TESK2: variants seen among roughly 807,000 people sequenced by gnomAD.
TESK2 encodes dual specificity testis-specific protein kinase 2.
A neutral mutation model predicts 57.1 loss-of-function variants in TESK2; 39 were observed. That is an observed-to-expected ratio of 0.68 (90% CI 0.53 to 0.89). TESK2 has a LOEUF of 0.89. TESK2 is among the 40% of genes least tolerant of loss of function. TESK2 has a pLI of 0.00. For missense variants in TESK2, 646 were observed against 732.1 expected, an observed-to-expected ratio of 0.88 and a Z score of 1.36; for synonymous variants, 249 against 267.9, an observed-to-expected ratio of 0.93 and a Z score of 0.69.
intron 3 of TESK2, among the ~76,000 whole-genome samples, chr1:45,416,252 T>G (rs1650238067): frequency 6.6e-6 from 1 of 151,392 alleles, no homozygotes; most frequent in African/African-American, 2.4e-5. Flanking sequence ...CCAGTTAATT[T>G]TTGTATTTTT....
At chr1:45,378,138 A>T (rs4660851) in intron 4 of TESK2, among the ~76,000 whole-genome samples, 50,823 of 152,054 alleles carry the variant, frequency 0.33, 9,581 homozygotes, top group African/African-American at 0.49. Flanking sequence ...AAAAAAAGAA[A>T]ATGAACTATA....
intron 4 of TESK2, among the ~76,000 whole-genome samples, chr1:45,375,216 T>TA (rs1305329790): frequency 6.6e-6 from 1 of 152,178 alleles, no homozygotes; most frequent in Non-Finnish European, 1.5e-5. Flanking sequence ...CTAAAGTTCT[T>TA]ACAGCAGTAT....
At chr1:45,374,334 C>T (rs968562482) in intron 4 of TESK2, among the ~76,000 whole-genome samples, 2 of 152,134 alleles carry the variant, frequency 1.3e-5, no homozygotes, top group East Asian at 1.9e-4. Context: ...GCCCAAGGAG[C>T]TCAAAGACTA....
chr1:45,382,090 T>C (rs1345627170), intron 4 of TESK2, among the ~76,000 whole-genome samples: 2 of 152,038 alleles, frequency 1.3e-5, no homozygotes, highest in East Asian at 3.9e-4. Flanking sequence ...AAGGCTGGTT[T>C]CAAAATCATG....
chr1:45,420,129 T>C (rs997965181), intron 3 of TESK2, among the ~76,000 whole-genome samples: 1 of 152,198 alleles, frequency 6.6e-6, no homozygotes, highest in Non-Finnish European at 1.5e-5. Flanking sequence ...TAAATTGTCT[T>C]ATTTGGTCTC....
rs151015913 is a variant in TESK2 at position 45,381,104 on chromosome 1, T to G, written c.393+4808A>C. Among the ~76,000 whole-genome samples the G allele has an allele frequency of 2.2e-3, 342 of 152,366 alleles. 5 individuals carry two copies. The highest frequency in any genetic ancestry group is 7.9e-3 in the African/African-American group (329 of 41,590). On this transcript the variant is annotated intron_variant, in intron 4 of 10. Transcript: ENST00000372086. ...ATTATAGCATTGTGAGAATTATAGT[T>G]AATATACAGTATCAACCATAGCATT...
intron 4 of TESK2, among the ~76,000 whole-genome samples, chr1:45,363,696 A>T (rs1647789681): frequency 6.6e-6 from 1 of 152,190 alleles, no homozygotes; most frequent in Admixed American, 6.5e-5. Flanking sequence ...ACACAAAGAT[A>T]ACAAAGCACA....
At chr1:45,355,201 G>T in intron 5 of TESK2, 102 bp downstream of exon 5, 3 of 1,327,564 alleles carry the variant, frequency 2.3e-6, no homozygotes, top group Admixed American at 2.5e-5. Context: ...AAAATATAAT[G>T]AATTATGTCC....
rs75370394 is a variant in TESK2, at chr1:45,381,330, A to G, written c.393+4582T>C. Among the ~76,000 whole-genome samples the G allele has an allele frequency of 6.3e-4, 96 of 152,312 alleles. No homozygotes were observed. The East Asian group carries it at 0.013, about 21-fold the overall frequency. ...GCCTTTTGACACATAACTTTGCGGC[A>G]TATTCCTGATAAGGGCAGAGCATAC... On this transcript the variant is annotated intron_variant, in intron 4 of 10. Coordinates refer to ENST00000372086, the MANE Select transcript of TESK2 (RefSeq NM_007170.3).
intron 1 of TESK2, among the ~76,000 whole-genome samples, chr1:45,479,769 C>T (rs996934077): frequency 4.0e-5 from 6 of 148,848 alleles, no homozygotes; most frequent in Admixed American, 1.3e-4. Context: ...TTGTTCCCAT[C>T]GGATAGATTA....
intron 4 of TESK2, among the ~76,000 whole-genome samples, chr1:45,381,582 C>T (rs1243708726): frequency 6.6e-6 from 1 of 152,124 alleles, no homozygotes; most frequent in Non-Finnish European, 1.5e-5. Context: ...TAGAGCAGAC[C>T]ACCAGCTGAC....
chr1:45,454,065 T>C (rs930333630), intron 2 of TESK2, among the ~76,000 whole-genome samples: 1 of 152,140 alleles, frequency 6.6e-6, no homozygotes, highest in African/African-American at 2.4e-5. Context: ...ATATTGCTGA[T>C]AGAACTGTAA....
At chr1:45,479,434 A>T (rs1005400496) in intron 1 of TESK2, among the ~76,000 whole-genome samples, 4 of 147,176 alleles carry the variant, frequency 2.7e-5, no homozygotes, top group African/African-American at 1.0e-4. Flanking sequence ...GAAAAAAAAA[A>T]TTTTTTTTTT....
intron 4 of TESK2, among the ~76,000 whole-genome samples, chr1:45,370,172 G>C (rs59831088): frequency 0.069 from 10,432 of 152,208 alleles, 1,227 homozygotes; most frequent in African/African-American, 0.24. Flanking sequence ...AGAACTAGGA[G>C]AAAAGTAGTA....
rs1320481782 is a variant in TESK2, at chr1:45,347,701, G to C, written c.624-8C>G. On this transcript the variant is annotated splice_region_variant and splice_polypyrimidine_tract_variant and intron_variant, in intron 6 of 10. Coordinates refer to ENST00000372086, the MANE Select transcript of TESK2 (RefSeq NM_007170.3). ...AGCTTCTCACTCCCCATGCTGTGGG[G>C]TGAGATTATACAGAAAATGAGCTTG... is the stretch of plus-strand genomic sequence containing the variant. The C allele has an allele frequency of 1.2e-6, 2 of 1,614,060 alleles. No homozygotes were observed. The highest frequency in any genetic ancestry group is 1.7e-6 in the Non-Finnish European group (2 of 1,179,940).
At chr1:45,410,233 G>T (rs1307281471) in intron 3 of TESK2, among the ~76,000 whole-genome samples, 2 of 152,106 alleles carry the variant, frequency 1.3e-5, no homozygotes, top group East Asian at 3.9e-4. Flanking sequence ...CTTTCACCTA[G>T]TTACCCACCA....
chr1:45,475,078 A>G (rs144117142), intron 1 of TESK2, among the ~76,000 whole-genome samples: 6,695 of 143,664 alleles, frequency 0.047, 198 homozygotes, highest in Middle Eastern at 0.14. Flanking sequence ...AAAAAAAAAA[A>G]AAAAGAAAAG....
chr1:45,432,150 G>A (rs896362590), intron 2 of TESK2, among the ~76,000 whole-genome samples: 4 of 151,982 alleles, frequency 2.6e-5, no homozygotes, highest in Non-Finnish European at 4.4e-5. Flanking sequence ...TTGGGAGGCT[G>A]AGATGGGAGG....
chr1:45,457,975 G>T, intron 1 of TESK2, 104 bp from the exon 2 acceptor site: 1 of 554,734 alleles, frequency 1.8e-6, no homozygotes, highest in Non-Finnish European at 3.2e-6. Flanking sequence ...TCTAGTTCCT[G>T]GTTTTCAGAT....
Sources: gnomAD v4.1 joint callset for allele counts (sites outside exome capture counted in the v4.1 genomes callset) on GRCh38, gnomAD v4.1.1 for gene constraint, MANE v1.5 for transcripts, NCBI Gene and HGNC (gene_info 2026-07-23, HGNC 2026-07-21) for gene names.